Variants in FAM78B observed in about 807,000 individuals in gnomAD.
FAM78B encodes protein FAM78B.
FAM78B carries 10 observed loss-of-function variants against 20.0 expected under a neutral mutation model. That is an observed-to-expected ratio of 0.50 (90% CI 0.31 to 0.85). The LOEUF is 0.85. Ranked by LOEUF, FAM78B falls within the 40% of genes least tolerant of loss-of-function variation. The pLI is 0.05. For missense variants in FAM78B, 283 were observed against 345.0 expected (o/e 0.82, Z 1.42); for synonymous variants, 135 against 132.8 (o/e 1.02, Z -0.12).
chr1:166,110,675 C>A (rs905429137), intron 1 of FAM78B, among the ~76,000 whole-genome samples: 7 of 152,126 alleles, frequency 4.6e-5, no homozygotes, highest in Non-Finnish European at 7.4e-5. Flanking sequence ...TGGAGCCACA[C>A]AGGGAGACCT....
At chr1:166,136,893 C>G (rs760336850) in intron 1 of FAM78B, among the ~76,000 whole-genome samples, 2 of 152,190 alleles carry the variant, frequency 1.3e-5, no homozygotes, top group Non-Finnish European at 2.9e-5. Flanking sequence ...ATGCCTGGCA[C>G]ACAGTTGTCA....
chr1:166,077,768 T>A (rs1204386040), intron 1 of FAM78B, among the ~76,000 whole-genome samples: 2 of 137,972 alleles, frequency 1.4e-5, no homozygotes, highest in Non-Finnish European at 3.1e-5. Flanking sequence ...TATTTATATA[T>A]GAATTATATA....
chr1:166,123,966 A>T (rs1056241221), intron 1 of FAM78B, among the ~76,000 whole-genome samples: 6 of 152,240 alleles, frequency 3.9e-5, no homozygotes, highest in African/African-American at 1.2e-4. Context: ...GGCCTAGTCC[A>T]AAGTGGGAAG....
At chr1:166,150,008 C>G (rs530220801) in intron 1 of FAM78B, among the ~76,000 whole-genome samples, 1 of 152,174 alleles carries the variant, frequency 6.6e-6, no homozygotes, top group Non-Finnish European at 1.5e-5. Flanking sequence ...GCAAAGTGAG[C>G]CTTGGGGGTA....
chr1:166,101,249 G>C (rs1229323673), intron 1 of FAM78B, among the ~76,000 whole-genome samples: 2 of 152,178 alleles, frequency 1.3e-5, no homozygotes, highest in African/African-American at 2.4e-5. Flanking sequence ...GGAAAAAACA[G>C]AGCAGAAAAA....
At chr1:166,165,313 T>A (rs1309264115) in intron 1 of FAM78B, among the ~76,000 whole-genome samples, 1 of 152,120 alleles carries the variant, frequency 6.6e-6, no homozygotes, top group Non-Finnish European at 1.5e-5. Flanking sequence ...CACAAGGCTA[T>A]CCGCCCTTCT....
At chr1:166,109,848 A>G (rs12090864) in intron 1 of FAM78B, among the ~76,000 whole-genome samples, 1,958 of 28,338 alleles carry the variant, frequency 0.069, 375 homozygotes, top group African/African-American at 0.13. Flanking sequence ...ATGTATATAT[A>G]TATATATATA....
At chr1:166,106,730 AG>A (rs1290167818) in intron 1 of FAM78B, among the ~76,000 whole-genome samples, 1 of 152,118 alleles carries the variant, frequency 6.6e-6, no homozygotes, top group Non-Finnish European at 1.5e-5. Context: ...AGGGGGAGAG[AG>A]GGAGGGAAGG....
At position 166,090,751 on chromosome 1, in the gene FAM78B, T is replaced by C. The variant is rs534168875; in HGVS notation, c.264-19988A>G. On this transcript the variant is annotated intron_variant, in intron 1 of 1. Coordinates refer to ENST00000354422, the MANE Select transcript of FAM78B (RefSeq NM_001017961.5). ...ATTAGAGCAGATCACTTCAATACAA[T>C]GTGGGATATTTGGGGACAGAGACAT... Among the ~76,000 whole-genome samples the C allele has an allele frequency of 2.6e-5, 4 of 152,112 alleles. No individual in the cohort carries two copies. In the East Asian group the frequency reaches 5.8e-4, roughly 22 times the overall value.
chr1:166,060,594 C>G (rs1651554325), exon 3 of FAM78B: 2 of 1,288,982 alleles, frequency 1.6e-6, no homozygotes, highest in Non-Finnish European at 2.0e-6. Flanking sequence ...CCAGCCATTG[C>G]TCACTTCCTC....
intron 1 of FAM78B, among the ~76,000 whole-genome samples, chr1:166,133,445 C>T (rs972502103): frequency 6.6e-6 from 1 of 152,124 alleles, no homozygotes; most frequent in African/African-American, 2.4e-5. Flanking sequence ...CATATTCTGC[C>T]AGCAGGTGAC....
rs71519275 is a variant in FAM78B at position 166,077,936 on chromosome 1, A to G, written c.264-7173T>C. On this transcript the variant is annotated intron_variant, in intron 1 of 1. Coordinates refer to ENST00000354422, the MANE Select transcript of FAM78B (RefSeq NM_001017961.5). ...ATTATATATATAATAAATATATAAT[A>G]ATATATATAATTTATATATATAATT... 4.0e-3 allele frequency among the ~76,000 whole-genome samples: 39 copies of G among 9,784 alleles called. 3 individuals carry two copies. The highest frequency in any genetic ancestry group is 5.7e-3 in the Non-Finnish European group (36 of 6,352). 6.4% of individuals were successfully genotyped at this position (9,784 alleles called of 152,430 possible). A position where few individuals can be genotyped will look rare whatever the true frequency, so the allele number is the denominator to read the frequency against.
chr1:166,084,989 T>C (rs962281873), intron 1 of FAM78B, among the ~76,000 whole-genome samples: 1 of 152,226 alleles, frequency 6.6e-6, no homozygotes, highest in Non-Finnish European at 1.5e-5. Context: ...GCCTGGGCAT[T>C]GACAGAGAAG....
intron 1 of FAM78B, among the ~76,000 whole-genome samples, chr1:166,097,104 G>A (rs1302853907): frequency 6.6e-6 from 1 of 152,208 alleles, no homozygotes; most frequent in African/African-American, 2.4e-5. Context: ...ACCCCTGCCG[G>A]AGAAGCTGAA....
intron 1 of FAM78B, among the ~76,000 whole-genome samples, chr1:166,101,938 A>C (rs1024626387): frequency 1.3e-5 from 2 of 152,164 alleles, no homozygotes; most frequent in Non-Finnish European, 2.9e-5. Context: ...TGAAGGAAAA[A>C]ATGTTAAGGG....
rs150568371 is a variant in FAM78B, at chr1:166,144,054, G to A, written c.263+21932C>T. On this transcript the variant is annotated intron_variant, in intron 1 of 1. Coordinates refer to ENST00000354422, the MANE Select transcript of FAM78B (RefSeq NM_001017961.5). ...TTATTAAGGCGTAAGTAATGATGAC[G>A]CATCCAAAATAGCTGACAAAAGGCA... Among the ~76,000 whole-genome samples, 89 of 152,292 alleles carry A rather than the reference G, an allele frequency of 5.8e-4. No homozygotes were observed. In the East Asian group the frequency reaches 0.013, roughly 21 times the overall value.
At chr1:166,158,537 A>C (rs549483010) in intron 1 of FAM78B, among the ~76,000 whole-genome samples, 2 of 152,270 alleles carry the variant, frequency 1.3e-5, no homozygotes, top group African/African-American at 4.8e-5. Flanking sequence ...TGCCGGGCAC[A>C]TAGACCTTTC....
At chr1:166,068,950 A>C (rs1368366045), downstream of FAM78B, among the ~76,000 whole-genome samples, 1 of 152,194 alleles carries the variant, frequency 6.6e-6, no homozygotes, top group Non-Finnish European at 1.5e-5. Context: ...TGACTAAAGG[A>C]AACCTGGCCT....
chr1:166,093,856 T>C (rs911597220), intron 1 of FAM78B, among the ~76,000 whole-genome samples: 2 of 151,916 alleles, frequency 1.3e-5, no homozygotes, highest in Admixed American at 6.6e-5. Context: ...TATACCTTGA[T>C]GTGTCCTGAT....
Sources: allele counts gnomAD v4.1 joint callset (sites outside exome capture counted in the v4.1 genomes callset), GRCh38; gene constraint gnomAD v4.1.1; transcripts MANE v1.5; gene names NCBI Gene and HGNC (gene_info 2026-07-23, HGNC 2026-07-21).